The following RFPL1 variants were observed in gnomAD, a reference collection of about 807,000 sequenced individuals.
RFPL1 encodes the protein ret finger protein-like 1.
A neutral mutation model predicts 9.6 loss-of-function variants in RFPL1; 6 were observed. That is an observed-to-expected ratio of 0.62 (90% CI 0.34 to 1.23). The LOEUF (loss-of-function observed/expected upper bound fraction) is 1.23, where lower values mean the gene tolerates loss of function less well. Ranked by LOEUF, RFPL1 falls within the 50% of genes most tolerant of loss-of-function variation. RFPL1 has a pLI of 0.03. For missense variants in RFPL1, 352 were observed against 398.4 expected (o/e 0.88, Z 0.99); for synonymous variants, 145 against 149.4 (o/e 0.97, Z 0.22).
At chr22:29,418,362 G>A in the RFPL1 span, among the ~76,000 whole-genome samples, 3 of 152,110 alleles carry the variant, frequency 2.0e-5, no homozygotes, top group South Asian at 2.1e-4. Context: ...GCTGCACACC[G>A]GTGACAAATT....
the RFPL1 span, among the ~76,000 whole-genome samples, chr22:29,396,961 C>CAGTG: frequency 7.5e-6 from 1 of 133,508 alleles, no homozygotes; most frequent in Admixed American, 8.7e-5. Context: ...GGCTGGAGTG[C>CAGTG]AGTGGCTTGA....
the RFPL1 span, among the ~76,000 whole-genome samples, chr22:29,417,097 T>C: frequency 8.5e-4 from 129 of 152,190 alleles, 2 homozygotes; most frequent in South Asian, 0.025. Context: ...CCAAAATGTA[T>C]GTGTCACCTT....
the RFPL1 span, among the ~76,000 whole-genome samples, chr22:29,400,775 C>G: frequency 6.6e-6 from 1 of 152,230 alleles, no homozygotes; most frequent in Non-Finnish European, 1.5e-5. Context: ...TCAGCTTACT[C>G]ACACACATCC....
the RFPL1 span, among the ~76,000 whole-genome samples, chr22:29,432,548 C>A: frequency 6.6e-6 from 1 of 152,170 alleles, no homozygotes; most frequent in Non-Finnish European, 1.5e-5. Flanking sequence ...TCTCGGTCGC[C>A]GGCTAATAAA....
chr22:29,418,496 CTTTTTTTTTT>C, the RFPL1 span, among the ~76,000 whole-genome samples: 4 of 124,484 alleles, frequency 3.2e-5, no homozygotes, highest in African/African-American at 8.9e-5. Context: ...TCTTCGTCTT[CTTTTTTTTTT>C]TTTTTTTTTT....
chr22:29,417,938 G>A, the RFPL1 span, among the ~76,000 whole-genome samples: 5 of 129,382 alleles, frequency 3.9e-5, no homozygotes, highest in African/African-American at 1.5e-4. Context: ...ACCTTGAATG[G>A]TTTTTTTTTT....
chr22:29,435,695 G>A (rs533325571), upstream of RFPL1, among the ~76,000 whole-genome samples: 333 of 151,896 alleles, frequency 2.2e-3, 3 homozygotes, highest in African/African-American at 7.7e-3. Context: ...AGAACTAAAT[G>A]TAGGTCTTTC....
exon 2 of RFPL1, chr22:29,441,920 T>C (rs768518577): frequency 5.0e-6 from 8 of 1,613,266 alleles, no homozygotes; most frequent in Non-Finnish European, 5.9e-6. Flanking sequence ...TTTCTGGATA[T>C]GGGCATGCAG....
the RFPL1 span, among the ~76,000 whole-genome samples, chr22:29,412,941 G>A: frequency 5.9e-5 from 9 of 152,088 alleles, no homozygotes; most frequent in African/African-American, 2.2e-4. Context: ...TCCACTGGGT[G>A]CAAGAGCGCC....
exon 1 of RFPL1, chr22:29,438,599 A>T: frequency 7.0e-7 from 1 of 1,425,956 alleles, no homozygotes; most frequent in Non-Finnish European, 9.2e-7. Context: ...TCACTGGCTC[A>T]GGCTCAGTTG....
At chr22:29,419,341 C>T in the RFPL1 span, 55 of 745,852 alleles carry the variant, frequency 7.4e-5, no homozygotes, top group Non-Finnish European at 1.1e-4. Flanking sequence ...CCAAAAGAAC[C>T]GGAGGGAGGC....
the RFPL1 span, among the ~76,000 whole-genome samples, chr22:29,422,453 C>G: frequency 6.6e-6 from 1 of 152,132 alleles, no homozygotes; most frequent in Non-Finnish European, 1.5e-5. Flanking sequence ...TGGTGCATGC[C>G]TGTAATCCCA....
At chr22:29,438,122 C>G, upstream of RFPL1, 1 of 179,082 alleles carries the variant, frequency 5.6e-6, no homozygotes, top group South Asian at 1.3e-4. Flanking sequence ...GATCTTCCAG[C>G]CTTGGCCTCG....
the RFPL1 span, among the ~76,000 whole-genome samples, chr22:29,402,186 C>A: frequency 1.3e-5 from 2 of 152,178 alleles, no homozygotes; most frequent in Non-Finnish European, 2.9e-5. Flanking sequence ...GTCATGGAAA[C>A]TTGGAGAAAG....
At chr22:29,441,887 G>C in exon 2 of RFPL1, 1 of 1,612,946 alleles carries the variant, frequency 6.2e-7, no homozygotes, top group Admixed American at 1.7e-5. Flanking sequence ...TTCGTAGACC[G>C]CAAGTTACAG....
the RFPL1 span, among the ~76,000 whole-genome samples, chr22:29,426,353 A>G: frequency 6.6e-6 from 1 of 151,858 alleles, no homozygotes; most frequent in Non-Finnish European, 1.5e-5. Context: ...ATCTTTATTT[A>G]GGTTTGTAAT....
chr22:29,401,454 TC>T, the RFPL1 span, among the ~76,000 whole-genome samples: 8 of 152,322 alleles, frequency 5.3e-5, no homozygotes, highest in Non-Finnish European at 7.4e-5. Flanking sequence ...ACTGTCTCAT[TC>T]CCCACACCTC....
the RFPL1 span, among the ~76,000 whole-genome samples, chr22:29,421,902 T>C: frequency 2.6e-5 from 4 of 152,154 alleles, no homozygotes; most frequent in African/African-American, 9.7e-5. Flanking sequence ...CCACTGCACA[T>C]GGTAGGTTCT....
the RFPL1 span, among the ~76,000 whole-genome samples, chr22:29,390,693 T>G: frequency 6.6e-6 from 1 of 151,032 alleles, no homozygotes. Context: ...CCTCCCGGGT[T>G]CACGTCATTC....
Sources: gnomAD v4.1 joint callset for allele counts (sites outside exome capture counted in the v4.1 genomes callset) on GRCh38, gnomAD v4.1.1 for gene constraint, MANE v1.5 for transcripts, NCBI Gene and HGNC (gene_info 2026-07-23, HGNC 2026-07-21) for gene names.